The following MLLT3 variants were observed in gnomAD, a reference collection of about 807,000 sequenced individuals.
MLLT3 encodes MLLT3 super elongation complex subunit, also known as protein AF-9.
In MLLT3, 4 loss-of-function variants were observed where a neutral mutation model predicts 53.2. The observed-to-expected ratio is 0.08, with a 90% CI of 0.04 to 0.17. The LOEUF is 0.17. MLLT3 is among the 10% of genes least tolerant of loss of function. The probability of loss-of-function intolerance (pLI) is 1.00; values close to 1 mark genes in which losing one functional copy is unlikely to be tolerated. For missense variants in MLLT3, 569 were observed against 684.0 expected (o/e 0.83, Z 1.87); for synonymous variants, 283 against 230.6 (o/e 1.23, Z -2.06).
At chr9:20,485,817 C>A (rs112739074) in intron 2 of MLLT3, among the ~76,000 whole-genome samples, 2 of 11,354 alleles carry the variant, frequency 1.8e-4, no homozygotes, top group African/African-American at 8.5e-4. Flanking sequence ...TAAAACAAAA[C>A]AGTGATTTCT....
intron 2 of MLLT3, among the ~76,000 whole-genome samples, chr9:20,513,580 G>A (rs1817820829): frequency 6.6e-6 from 1 of 152,192 alleles, no homozygotes; most frequent in Non-Finnish European, 1.5e-5. Flanking sequence ...TTTAGAGCAA[G>A]CAGGCAAAAG....
intron 2 of MLLT3, among the ~76,000 whole-genome samples, chr9:20,495,005 TAA>T (rs1298256639): frequency 6.6e-6 from 1 of 152,108 alleles, no homozygotes; most frequent in Non-Finnish European, 1.5e-5. Context: ...TTTCATAAAT[TAA>T]AAAATGTAAT....
chr9:20,353,882 C>A (rs898818088), intron 9 of MLLT3, among the ~76,000 whole-genome samples: 1 of 152,142 alleles, frequency 6.6e-6, no homozygotes, highest in Non-Finnish European at 1.5e-5. Context: ...TTTCCTCCAA[C>A]AATATCTCTA....
At chr9:20,363,831 T>C (rs925499402) in intron 6 of MLLT3, among the ~76,000 whole-genome samples, 6 of 152,248 alleles carry the variant, frequency 3.9e-5, no homozygotes, top group African/African-American at 7.2e-5. Flanking sequence ...AAAGAATCTC[T>C]ATTTTCTAGG....
chr9:20,616,658 A>G (rs1290102957), intron 2 of MLLT3, among the ~76,000 whole-genome samples: 1 of 152,172 alleles, frequency 6.6e-6, no homozygotes, highest in Non-Finnish European at 1.5e-5. Flanking sequence ...AAAAAATGAG[A>G]TCACAATGAT....
intron 2 of MLLT3, among the ~76,000 whole-genome samples, chr9:20,540,138 G>A (rs752864884): frequency 3.9e-5 from 6 of 152,328 alleles, no homozygotes; most frequent in African/African-American, 1.2e-4. Context: ...AAGGCCTTGG[G>A]CAGCTCTGCC....
chr9:20,589,044 A>G (rs1820055107), intron 2 of MLLT3, among the ~76,000 whole-genome samples: 1 of 151,308 alleles, frequency 6.6e-6, no homozygotes, highest in Non-Finnish European at 1.5e-5. Context: ...TCAGGGATCT[A>G]GAACTAGAAA....
chr9:20,443,466 T>C (rs1299294154), intron 4 of MLLT3, among the ~76,000 whole-genome samples: 1 of 152,122 alleles, frequency 6.6e-6, no homozygotes, highest in Non-Finnish European at 1.5e-5. Flanking sequence ...TCTTACAAAA[T>C]AATATTCCGA....
intron 7 of MLLT3, among the ~76,000 whole-genome samples, chr9:20,362,513 G>A (rs1198688531): frequency 6.6e-6 from 1 of 152,074 alleles, no homozygotes; most frequent in African/African-American, 2.4e-5. Context: ...TATTAAAGAG[G>A]TTATATTCTC....
intron 5 of MLLT3, among the ~76,000 whole-genome samples, chr9:20,388,956 T>C (rs1457882306): frequency 6.6e-6 from 1 of 152,176 alleles, no homozygotes; most frequent in Non-Finnish European, 1.5e-5. Context: ...GAAAATTACA[T>C]GAACAAGAAT....
intron 2 of MLLT3, among the ~76,000 whole-genome samples, chr9:20,571,522 T>C (rs962789951): frequency 3.3e-5 from 5 of 152,172 alleles, no homozygotes; most frequent in African/African-American, 4.8e-5. Flanking sequence ...ACACGTGCCA[T>C]GGTGGTTTGC....
At chr9:20,517,822 G>C (rs893798175) in intron 2 of MLLT3, among the ~76,000 whole-genome samples, 1 of 151,216 alleles carries the variant, frequency 6.6e-6, no homozygotes, top group Non-Finnish European at 1.5e-5. Flanking sequence ...TGGGAGACAA[G>C]AGCAAAACTC....
intron 8 of MLLT3, among the ~76,000 whole-genome samples, chr9:20,356,531 CAG>C (rs1218639869): frequency 6.6e-6 from 1 of 151,742 alleles, no homozygotes; most frequent in African/African-American, 2.4e-5. Context: ...GCTGGGCATG[CAG>C]AGACAATCCG....
intron 2 of MLLT3, among the ~76,000 whole-genome samples, chr9:20,501,086 C>T (rs1825212778): frequency 6.6e-6 from 1 of 152,132 alleles, no homozygotes; most frequent in South Asian, 2.1e-4. Context: ...GATAATTTAC[C>T]AATTATGGTT....
chr9:20,577,966 T>C (rs1819695778), intron 2 of MLLT3, among the ~76,000 whole-genome samples: 1 of 152,180 alleles, frequency 6.6e-6, no homozygotes. Flanking sequence ...TCCTCTGTAG[T>C]TCCCAGTATC....
chr9:20,575,148 C>T (rs371473855), intron 2 of MLLT3, among the ~76,000 whole-genome samples: 10 of 152,314 alleles, frequency 6.6e-5, no homozygotes, highest in African/African-American at 1.7e-4. Context: ...AAGTCTTCAA[C>T]CTTTCAAAGT....
chr9:20,372,655 G>A (rs182545941), intron 5 of MLLT3, among the ~76,000 whole-genome samples: 84 of 135,762 alleles, frequency 6.2e-4, no homozygotes, highest in Non-Finnish European at 1.1e-3. Flanking sequence ...TGATCCACCC[G>A]CCTTGGCCTC....
intron 2 of MLLT3, among the ~76,000 whole-genome samples, chr9:20,608,475 T>C (rs926061268): frequency 3.3e-5 from 5 of 151,994 alleles, no homozygotes; most frequent in Admixed American, 3.3e-4. Flanking sequence ...GACTATCCTA[T>C]ATGAATACAC....
intron 3 of MLLT3, among the ~76,000 whole-genome samples, chr9:20,449,064 T>C (rs1259488793): frequency 6.6e-6 from 1 of 152,178 alleles, no homozygotes; most frequent in African/African-American, 2.4e-5. Context: ...TCACCATTCC[T>C]AACTCAAGAT....
Sources: allele counts gnomAD v4.1 joint callset (sites outside exome capture counted in the v4.1 genomes callset), GRCh38; gene constraint gnomAD v4.1.1; transcripts MANE v1.5; gene names NCBI Gene and HGNC (gene_info 2026-07-23, HGNC 2026-07-21).